CNTNAP2: variants seen among roughly 807,000 people sequenced by gnomAD.
The protein encoded by CNTNAP2 is contactin associated protein 2.
CNTNAP2 carries 98 observed loss-of-function variants against 155.2 expected under a neutral mutation model. The observed-to-expected ratio is 0.63, with a 90% CI of 0.54 to 0.75. The LOEUF is 0.75. Ranked by LOEUF, CNTNAP2 falls within the 30% of genes least tolerant of loss-of-function variation. CNTNAP2 has a pLI of 0.00. For missense variants in CNTNAP2, 1,727 were observed against 1,688.1 expected, an observed-to-expected ratio of 1.02 and a Z score of -0.40; for synonymous variants, 651 against 631.2, an observed-to-expected ratio of 1.03 and a Z score of -0.47.
intron 21 of CNTNAP2, among the ~76,000 whole-genome samples, chr7:148,279,302 G>T (rs571995451): frequency 1.3e-5 from 2 of 152,294 alleles, no homozygotes; most frequent in South Asian, 4.1e-4. Flanking sequence ...TTAGAGGCAC[G>T]TGCACCAACG....
chr7:147,315,819 T>A (rs1427032719), intron 9 of CNTNAP2, among the ~76,000 whole-genome samples: 1 of 152,088 alleles, frequency 6.6e-6, no homozygotes, highest in Non-Finnish European at 1.5e-5. Flanking sequence ...GCTTAAAAAA[T>A]TATCTTTTAT....
chr7:146,675,222 A>G (rs1478216077), intron 1 of CNTNAP2, among the ~76,000 whole-genome samples: 1 of 152,054 alleles, frequency 6.6e-6, no homozygotes, highest in Non-Finnish European at 1.5e-5. Flanking sequence ...CTAGGAGATT[A>G]TTTTCATTCC....
chr7:146,674,102 G>T (rs963517666), intron 1 of CNTNAP2, among the ~76,000 whole-genome samples: 35 of 152,156 alleles, frequency 2.3e-4, no homozygotes, highest in Admixed American at 6.5e-5. Flanking sequence ...ATGAAAGACT[G>T]ACTGAATGAA....
At chr7:147,382,172 A>C (rs192744791) in intron 9 of CNTNAP2, among the ~76,000 whole-genome samples, 1 of 152,290 alleles carries the variant, frequency 6.6e-6, no homozygotes, top group East Asian at 1.9e-4. Flanking sequence ...GGGAAAAAAA[A>C]GATCCTGGGC....
At chr7:147,945,868 C>CTT (rs34305612) in intron 14 of CNTNAP2, among the ~76,000 whole-genome samples, 2,985 of 123,328 alleles carry the variant, frequency 0.024, 110 homozygotes, top group South Asian at 0.053. Context: ...TTTTCTTTTT[C>CTT]TTTTTTTTTT....
At chr7:146,877,619 G>GTGTATACTATATA (rs1795456186) in intron 3 of CNTNAP2, among the ~76,000 whole-genome samples, 3 of 139,292 alleles carry the variant, frequency 2.2e-5, no homozygotes, top group Admixed American at 1.5e-4. Flanking sequence ...CTATATATGT[G>GTGTATACTATATA]TGTGTATGTA....
intron 16 of CNTNAP2, among the ~76,000 whole-genome samples, chr7:148,125,702 GTTTTTT>G (rs1169497898): frequency 8.1e-6 from 1 of 124,142 alleles, no homozygotes; most frequent in Admixed American, 7.9e-5. Flanking sequence ...TATATATATA[GTTTTTT>G]TTTTTTTTGG....
At chr7:146,921,387 C>T (rs1796494127) in intron 3 of CNTNAP2, among the ~76,000 whole-genome samples, 1 of 152,094 alleles carries the variant, frequency 6.6e-6, no homozygotes, top group South Asian at 2.1e-4. Context: ...CAAGTGAAAC[C>T]TAAGCCAGAA....
intron 4 of CNTNAP2, among the ~76,000 whole-genome samples, chr7:147,060,856 T>A (rs1799653097): frequency 7.1e-6 from 1 of 141,476 alleles, no homozygotes; most frequent in Admixed American, 7.1e-5. Flanking sequence ...AGAGCGAGAC[T>A]CTGTCTCAAA....
intron 3 of CNTNAP2, among the ~76,000 whole-genome samples, chr7:146,849,343 A>G (rs1233679572): frequency 6.6e-6 from 1 of 152,154 alleles, no homozygotes; most frequent in African/African-American, 2.4e-5. Context: ...ATGTCCCTTA[A>G]ACTGGAACCT....
chr7:146,961,030 G>A (rs1797548453), intron 3 of CNTNAP2, among the ~76,000 whole-genome samples: 1 of 152,146 alleles, frequency 6.6e-6, no homozygotes, highest in Non-Finnish European at 1.5e-5. Flanking sequence ...AGAATGATTG[G>A]TCTTCCCCAC....
At chr7:147,926,253 C>T (rs1800396405) in intron 14 of CNTNAP2, among the ~76,000 whole-genome samples, 1 of 152,176 alleles carries the variant, frequency 6.6e-6, no homozygotes, top group Admixed American at 6.5e-5. Context: ...GCCTCATCCT[C>T]CATGATGGAC....
At chr7:146,488,810 G>A (rs958876040) in intron 1 of CNTNAP2, among the ~76,000 whole-genome samples, 3 of 152,000 alleles carry the variant, frequency 2.0e-5, no homozygotes, top group Admixed American at 1.3e-4. Flanking sequence ...TTGTGGAGAC[G>A]GGGTTTCTCC....
rs141064429 is a variant in CNTNAP2, at chr7:147,154,642, C to T, written c.1348+22133C>T. On this transcript the variant is annotated intron_variant, in intron 8 of 23. Coordinates refer to ENST00000361727, the MANE Select transcript of CNTNAP2 (RefSeq NM_014141.6). ...GGCATGGCAGCTGTCATTACCACTT[C>T]TCACAAATTGAAATGAAATGCACAT... Among the ~76,000 whole-genome samples, 389 of 152,214 alleles carry T rather than the reference C, an allele frequency of 2.6e-3. 3 individuals are homozygous for T. Among genetic ancestry groups the T allele is most frequent in the African/African-American group, 8.9e-3 (370 of 41,536 alleles).
intron 21 of CNTNAP2, among the ~76,000 whole-genome samples, chr7:148,341,571 T>G (rs939786413): frequency 6.6e-6 from 1 of 152,154 alleles, no homozygotes; most frequent in Admixed American, 6.5e-5. Context: ...AAGGTGAAGT[T>G]ACTAGCCCAA....
intron 1 of CNTNAP2, among the ~76,000 whole-genome samples, chr7:146,191,574 CA>C (rs1241195599): frequency 6.6e-6 from 1 of 152,064 alleles, no homozygotes; most frequent in Non-Finnish European, 1.5e-5. Context: ...TACGGGAGAC[CA>C]GGGCTTATTT....
chr7:147,258,476 A>G (rs550552459), intron 8 of CNTNAP2, among the ~76,000 whole-genome samples: 1 of 152,046 alleles, frequency 6.6e-6, no homozygotes, highest in East Asian at 1.9e-4. Flanking sequence ...TTTTTCCTTC[A>G]CATTTTTTTT....
At chr7:148,119,440 G>C (rs888115613) in intron 16 of CNTNAP2, among the ~76,000 whole-genome samples, 1 of 152,164 alleles carries the variant, frequency 6.6e-6, no homozygotes, top group Non-Finnish European at 1.5e-5. Flanking sequence ...GCTGAGGCAG[G>C]AGAATGGCGT....
rs113742502 is a variant in CNTNAP2, at chr7:147,381,755, C to T, written c.1499-13854C>T. Among the ~76,000 whole-genome samples the T allele has an allele frequency of 1.9e-3, 292 of 151,990 alleles. 1 individual carries two copies. The highest frequency in any genetic ancestry group is 6.6e-3 in the African/African-American group (272 of 41,484). ...TTTTACGTTCTTGTAAATCTCTTTA[C>T]GCTTATTAAAAGATACTCAAAAATA... On this transcript the variant is annotated intron_variant, in intron 9 of 23. Transcript: ENST00000361727.
Sources: allele counts gnomAD v4.1 joint callset (sites outside exome capture counted in the v4.1 genomes callset), GRCh38; gene constraint gnomAD v4.1.1; transcripts MANE v1.5; gene names NCBI Gene and HGNC (gene_info 2026-07-23, HGNC 2026-07-21).